PCSK2: variants seen among roughly 807,000 people sequenced by gnomAD.
PCSK2 encodes the protein proprotein convertase subtilisin/kexin type 2, also known as neuroendocrine convertase 2.
In PCSK2, 14 loss-of-function variants were observed where a neutral mutation model predicts 69.7. That is an observed-to-expected ratio of 0.20 (90% CI 0.13 to 0.31). The LOEUF is 0.31. PCSK2 is among the 10% of genes least tolerant of loss of function. The pLI, the probability that PCSK2 is intolerant of heterozygous loss-of-function variation, is 1.00. For synonymous variants in PCSK2, 307 were observed against 320.7 expected (o/e 0.96, Z 0.46); for missense variants, 544 against 842.5 (o/e 0.65, Z 4.39).
intron 6 of PCSK2, among the ~76,000 whole-genome samples, chr20:17,416,611 T>A (rs1293277592): frequency 6.6e-6 from 1 of 152,210 alleles, no homozygotes; most frequent in Admixed American, 6.5e-5. Flanking sequence ...GAAGACAGTA[T>A]GGTGATTCCT....
At chr20:17,363,121 A>C (rs1451351444) in intron 4 of PCSK2, among the ~76,000 whole-genome samples, 7 of 152,258 alleles carry the variant, frequency 4.6e-5, no homozygotes, top group Non-Finnish European at 1.0e-4. Context: ...AACTAATGTC[A>C]TATTCTATCA....
intron 11 of PCSK2, among the ~76,000 whole-genome samples, chr20:17,478,587 T>A (rs1205173356): frequency 1.3e-5 from 2 of 152,168 alleles, no homozygotes; most frequent in African/African-American, 4.8e-5. Context: ...TGATAGAAAA[T>A]TTTTAAAAAT....
intron 7 of PCSK2, among the ~76,000 whole-genome samples, chr20:17,429,740 A>G (rs2032326335): frequency 6.6e-6 from 1 of 152,268 alleles, no homozygotes. Context: ...TTAACAAATC[A>G]TAAATAAGCT....
intron 5 of PCSK2, among the ~76,000 whole-genome samples, chr20:17,372,392 TAAATA>T (rs2123236050): frequency 7.7e-6 from 1 of 130,178 alleles, no homozygotes; most frequent in African/African-American, 3.2e-5. Context: ...AAATAATAAA[TAAATA>T]AATAAATAAA....
chr20:17,483,660 C>T lies in PCSK2; in HGVS notation c.*1590C>T, dbSNP rs2033449052. On this transcript the variant is annotated 3_prime_UTR_variant, in exon 12 of 12. Coordinates refer to ENST00000262545, the MANE Select transcript of PCSK2 (RefSeq NM_002594.5). ...CTGAAAACCCCATTTGCTTTCTTTT[C>T]TCCCATATTGGCATGGATTTCTGTC... 6.6e-6 allele frequency: 1 copy of T among 152,398 alleles called. No homozygotes were observed. The highest frequency in any genetic ancestry group is 2.1e-4 in the South Asian group (1 of 4,830). 9.4% of individuals were successfully genotyped at this position (152,398 alleles called of 1,614,324 possible). A position where few individuals can be genotyped will look rare whatever the true frequency, so the allele number is the denominator to read the frequency against.
chr20:17,232,183 G>T (rs958022132), intron 1 of PCSK2, among the ~76,000 whole-genome samples: 3 of 152,152 alleles, frequency 2.0e-5, no homozygotes, highest in African/African-American at 7.2e-5. Flanking sequence ...TGATTACATA[G>T]GGCATGTACA....
intron 5 of PCSK2, among the ~76,000 whole-genome samples, chr20:17,395,854 A>T (rs1368534866): frequency 6.6e-6 from 1 of 152,260 alleles, no homozygotes; most frequent in South Asian, 2.1e-4. Context: ...CTCAGCTATC[A>T]GTGAACTCAT....
At chr20:17,349,391 C>T (rs2029903306) in intron 2 of PCSK2, among the ~76,000 whole-genome samples, 1 of 152,206 alleles carries the variant, frequency 6.6e-6, no homozygotes, top group Admixed American at 6.5e-5. Flanking sequence ...TTACCAGCTT[C>T]CCAAAGCGTG....
chr20:17,459,732 T>C (rs199843480), intron 10 of PCSK2, among the ~76,000 whole-genome samples: 1 of 152,196 alleles, frequency 6.6e-6, no homozygotes, highest in East Asian at 1.9e-4. Flanking sequence ...CACCCAAGCC[T>C]CATAGAATAC....
chr20:17,469,742 A>G (rs777617972), intron 11 of PCSK2, among the ~76,000 whole-genome samples: 1 of 152,048 alleles, frequency 6.6e-6, no homozygotes, highest in Non-Finnish European at 1.5e-5. Context: ...TGATGACAGG[A>G]GGTTGGGAAA....
At chr20:17,398,798 G>A (rs550645080) in intron 5 of PCSK2, among the ~76,000 whole-genome samples, 3 of 151,996 alleles carry the variant, frequency 2.0e-5, no homozygotes, top group Non-Finnish European at 4.4e-5. Flanking sequence ...CCCCACCCCA[G>A]ATTAATTAAA....
At position 17,356,391 on chromosome 20, in the gene PCSK2, A is replaced by G. The variant is rs2030197086; in HGVS notation, c.283-1936A>G. Among the ~76,000 whole-genome samples, 5 of 152,144 alleles carry G rather than the reference A, an allele frequency of 3.3e-5. No homozygotes were observed. In the South Asian group the frequency reaches 1.0e-3, roughly 32 times the overall value. ...CTTAACACTTGTTTTCCACATGTAT[A>G]GATTTTCTGGTGTGGCTTCAATTTC... On this transcript the variant is annotated intron_variant, in intron 2 of 11. Coordinates refer to ENST00000262545, the MANE Select transcript of PCSK2 (RefSeq NM_002594.5).
At position 17,272,165 on chromosome 20, in the gene PCSK2, T is replaced by G. The variant is rs73599739; in HGVS notation, c.282+11821T>G. ...GTTCTTTCAGATGTTTTCATTGAAT[T>G]TGGCACTTCTTTCCCATGCCTTCCT... On this transcript the variant is annotated intron_variant, in intron 2 of 11. Coordinates refer to ENST00000262545, the MANE Select transcript of PCSK2 (RefSeq NM_002594.5). Among the ~76,000 whole-genome samples, 7 of 152,138 alleles carry G rather than the reference T, an allele frequency of 4.6e-5. No individual in the cohort carries two copies. In the East Asian group the frequency reaches 1.3e-3, roughly 29 times the overall value.
chr20:17,465,164 G>C lies in PCSK2; in HGVS notation c.1203-162G>C, dbSNP rs543572972. 180 of 675,984 alleles carry C rather than the reference G, an allele frequency of 2.7e-4. 2 individuals are homozygous for C. The South Asian group carries it at 2.7e-3, about 10-fold the overall frequency. The allele number at this position is 675,984 out of a possible 1,614,324, so 41.9% of individuals were successfully genotyped here. On this transcript the variant is annotated intron_variant, in intron 10 of 11. Transcript: ENST00000262545. ...ATTGACTTATATAGTGGTTTTGAAT[G>C]GTGCATGGACACCCTCCCTTGAATT...
intron 2 of PCSK2, among the ~76,000 whole-genome samples, chr20:17,351,670 C>T (rs566505880): frequency 1.0e-3 from 159 of 152,188 alleles, no homozygotes; most frequent in African/African-American, 3.7e-3. Flanking sequence ...AAACCCTCAA[C>T]AAACTAGGCA....
chr20:17,428,396 G>A (rs1418008462), intron 6 of PCSK2, among the ~76,000 whole-genome samples: 4 of 142,968 alleles, frequency 2.8e-5, no homozygotes, highest in East Asian at 2.0e-4. Flanking sequence ...GACTCATACA[G>A]AGAAAGAAAA....
At chr20:17,415,015 A>G (rs943847191) in intron 6 of PCSK2, among the ~76,000 whole-genome samples, 3 of 152,206 alleles carry the variant, frequency 2.0e-5, no homozygotes, top group African/African-American at 7.2e-5. Context: ...TCAATAAACT[A>G]GATATTGATG....
chr20:17,435,902 C>T (rs987501432), intron 7 of PCSK2, among the ~76,000 whole-genome samples: 2 of 152,132 alleles, frequency 1.3e-5, no homozygotes, highest in East Asian at 1.9e-4. Context: ...AAACGGGGAC[C>T]GGAGGCCTAG....
At chr20:17,272,869 T>C (rs2123028289) in intron 2 of PCSK2, among the ~76,000 whole-genome samples, 1 of 152,280 alleles carries the variant, frequency 6.6e-6, no homozygotes, top group Non-Finnish European at 1.5e-5. Flanking sequence ...GATTTGTGTG[T>C]GTATATGGCT....
Sources: allele counts gnomAD v4.1 joint callset (sites outside exome capture counted in the v4.1 genomes callset), GRCh38; gene constraint gnomAD v4.1.1; transcripts MANE v1.5; gene names NCBI Gene and HGNC (gene_info 2026-07-23, HGNC 2026-07-21).